AFG2A: variants seen among roughly 807,000 people sequenced by gnomAD.
AFG2A encodes ATPase family gene 2 protein homolog A.
At chr4:123,136,065 A>G in the AFG2A span, among the ~76,000 whole-genome samples, 1 of 152,208 alleles carries the variant, frequency 6.6e-6, no homozygotes, top group Non-Finnish European at 1.5e-5. Context: ...AATATTTGGA[A>G]ATTTTTCAGT....
chr4:122,973,765 ACTGC>A, the AFG2A span, among the ~76,000 whole-genome samples: 1 of 152,158 alleles, frequency 6.6e-6, no homozygotes, highest in African/African-American at 2.4e-5. Flanking sequence ...ATGATGGCTC[ACTGC>A]GGTCTTGACT....
At chr4:123,189,904 C>T in the AFG2A span, among the ~76,000 whole-genome samples, 1 of 132,294 alleles carries the variant, frequency 7.6e-6, no homozygotes, top group Non-Finnish European at 1.5e-5. Flanking sequence ...AGCCCGGGTT[C>T]AGGTGATCAT....
chr4:123,303,955 C>T, the AFG2A span, among the ~76,000 whole-genome samples: 4 of 151,200 alleles, frequency 2.6e-5, no homozygotes, highest in Non-Finnish European at 4.4e-5. Flanking sequence ...ATTTTGCAGA[C>T]GATTCAAGGG....
At chr4:123,119,407 AGAGG>A in the AFG2A span, among the ~76,000 whole-genome samples, 2 of 152,188 alleles carry the variant, frequency 1.3e-5, no homozygotes, top group Non-Finnish European at 2.9e-5. Context: ...TGCGCATAGC[AGAGG>A]GCCTTCTTAT....
chr4:123,028,251 G>T, the AFG2A span: 1 of 1,614,136 alleles, frequency 6.2e-7, no homozygotes, highest in Non-Finnish European at 8.5e-7. Flanking sequence ...CTGTGGAATG[G>T]CCCTTAAAAC....
the AFG2A span, among the ~76,000 whole-genome samples, chr4:123,051,588 C>T: frequency 6.9e-6 from 1 of 145,380 alleles, no homozygotes; most frequent in South Asian, 2.2e-4. Context: ...GTTTGAAGAA[C>T]TCTGATTAGC....
chr4:123,143,851 T>C, the AFG2A span, among the ~76,000 whole-genome samples: 2 of 151,622 alleles, frequency 1.3e-5, no homozygotes, highest in Non-Finnish European at 2.9e-5. Flanking sequence ...TTTTTTTCCT[T>C]TAACCTGAAA....
chr4:122,929,139 C>T, the AFG2A span: 2 of 1,613,176 alleles, frequency 1.2e-6, no homozygotes, highest in South Asian at 1.1e-5. Context: ...TGATGCCATC[C>T]AGGTCCAGCC....
the AFG2A span, chr4:123,314,019 T>C: frequency 1.9e-6 from 3 of 1,609,904 alleles, no homozygotes; most frequent in Admixed American, 3.4e-5. Flanking sequence ...CATTGAGACG[T>C]TTTTATGAAG....
At chr4:123,065,078 T>C in the AFG2A span, among the ~76,000 whole-genome samples, 1 of 152,210 alleles carries the variant, frequency 6.6e-6, no homozygotes, top group African/African-American at 2.4e-5. Context: ...TGAGCCACTT[T>C]TTTGTTCAAC....
chr4:123,064,702 C>A, the AFG2A span, among the ~76,000 whole-genome samples: 1 of 152,152 alleles, frequency 6.6e-6, no homozygotes, highest in African/African-American at 2.4e-5. Flanking sequence ...CTTCTATTGT[C>A]CAGGACATTT....
At chr4:123,098,090 A>T in the AFG2A span, among the ~76,000 whole-genome samples, 2 of 152,188 alleles carry the variant, frequency 1.3e-5, no homozygotes, top group East Asian at 3.9e-4. Context: ...CTTATGGCCT[A>T]TAAAGCCTAA....
the AFG2A span, among the ~76,000 whole-genome samples, chr4:123,306,644 C>T: frequency 6.6e-6 from 1 of 152,052 alleles, no homozygotes; most frequent in Non-Finnish European, 1.5e-5. Context: ...CAACCTCTGC[C>T]TCCCGGGTTC....
the AFG2A span, among the ~76,000 whole-genome samples, chr4:123,230,208 G>A: frequency 6.6e-6 from 1 of 151,856 alleles, no homozygotes; most frequent in African/African-American, 2.4e-5. Flanking sequence ...ATGCTGCTTG[G>A]CAACATTTTA....
the AFG2A span, among the ~76,000 whole-genome samples, chr4:123,210,500 T>C: frequency 6.6e-6 from 1 of 152,202 alleles, no homozygotes; most frequent in Non-Finnish European, 1.5e-5. Context: ...GTCATCCATG[T>C]TGTCAAAACA....
the AFG2A span, among the ~76,000 whole-genome samples, chr4:123,075,767 G>A: frequency 6.6e-6 from 1 of 151,234 alleles, no homozygotes; most frequent in Non-Finnish European, 1.5e-5. Flanking sequence ...AGACCAGCCG[G>A]ACCAACATGG....
chr4:123,256,645 T>A, the AFG2A span: 1 of 939,974 alleles, frequency 1.1e-6, no homozygotes, highest in Non-Finnish European at 1.3e-6. Flanking sequence ...ATCATTATCA[T>A]CTTTTTGTCA....
chr4:123,271,065 G>C, the AFG2A span, among the ~76,000 whole-genome samples: 1 of 152,130 alleles, frequency 6.6e-6, no homozygotes, highest in African/African-American at 2.4e-5. Context: ...TGCCATTGTA[G>C]ACAACTGCAG....
At chr4:123,105,377 C>A in the AFG2A span, among the ~76,000 whole-genome samples, 4 of 152,176 alleles carry the variant, frequency 2.6e-5, no homozygotes, top group African/African-American at 9.7e-5. Flanking sequence ...TTACTCAAGG[C>A]TCTGATGGAA....
Sources: allele counts gnomAD v4.1 joint callset (sites outside exome capture counted in the v4.1 genomes callset), GRCh38; gene constraint gnomAD v4.1.1; transcripts MANE v1.5; gene names NCBI Gene and HGNC (gene_info 2026-07-23, HGNC 2026-07-21).